ZNF662: variants seen among roughly 807,000 people sequenced by gnomAD.
The protein encoded by ZNF662 is zinc finger protein 662.
In ZNF662, 14 loss-of-function variants were observed where a neutral mutation model predicts 12.4. That is an observed-to-expected ratio of 1.13 (90% CI 0.75 to 1.77). The LOEUF is 1.77. ZNF662 is among the 40% of genes most tolerant of loss of function. The pLI, the probability that ZNF662 is intolerant of heterozygous loss-of-function variation, is 0.00. For synonymous variants in ZNF662, 184 were observed against 176.4 expected, an observed-to-expected ratio of 1.04 and a Z score of -0.34; for missense variants, 550 against 515.6, an observed-to-expected ratio of 1.07 and a Z score of -0.65.
chr3:42,917,381 G>T lies in ZNF662; in HGVS notation c.*2027G>T, dbSNP rs1417929093. ...AGAGCTACCAGAGGAGATATTATCT[G>T]TCCTCTGTGTGGCACATAGGAAAAT... is the stretch of plus-strand genomic sequence containing the variant. On this transcript the variant is annotated 3_prime_UTR_variant, in exon 5 of 5. Coordinates refer to ENST00000440367, the MANE Select transcript of ZNF662 (RefSeq NM_207404.4). 1.6e-6 allele frequency: 1 copy of T among 630,094 alleles called. No individual in the cohort carries two copies. The highest frequency in any genetic ancestry group is 1.8e-5 in the African/African-American group (1 of 54,250). The allele number at this position is 630,094 out of a possible 1,614,324, so 39.0% of individuals were successfully genotyped here.
At chr3:42,907,618 A>G (rs1178126635) in intron 1 of ZNF662, 7 of 920,342 alleles carry the variant, frequency 7.6e-6, no homozygotes, top group Non-Finnish European at 9.1e-6. Flanking sequence ...ATGAGACATA[A>G]CAAAGAATAT....
At position 42,913,103 on chromosome 3, in the gene ZNF662, A is replaced by G. The variant is rs866467134; in HGVS notation, c.152-98A>G. ...ATCTATGTTACCAATCTTTTCACCC[A>G]CCTTTATTCTCTCCCTACCACTTCC... On this transcript the variant is annotated intron_variant, in intron 3 of 4. Transcript: ENST00000440367. The G allele has an allele frequency of 1.0e-5, 8 of 801,722 alleles. No homozygotes were observed. The Middle Eastern group carries it at 2.1e-3, about 211-fold the overall frequency. 49.7% of individuals were successfully genotyped at this position (801,722 alleles called of 1,614,324 possible). A position where few individuals can be genotyped will look rare whatever the true frequency, so the allele number is the denominator to read the frequency against.
rs2088683271 is a variant in ZNF662, at chr3:42,906,618, TGCAG to T, written c.-94+451_-94+454del. Among the ~76,000 whole-genome samples the T allele has an allele frequency of 6.6e-6, 1 of 152,056 alleles. No individual in the cohort carries two copies. The highest frequency in any genetic ancestry group is 2.4e-5 in the African/African-American group (1 of 41,390). On this transcript the variant is annotated intron_variant, in intron 1 of 4. Coordinates refer to ENST00000440367, the MANE Select transcript of ZNF662 (RefSeq NM_207404.4). This position sits in a 1 kb window ranked among gnomAD's most constrained non-coding sequence, Gnocchi z 4.4. ...ACCTGAGCCTCAAGGAGAGCAGACG[TGCAG>T]CGGCACGGGGTTGAGCCGACTGCTG... is the stretch of plus-strand genomic sequence containing the variant.
At chr3:42,908,998 GT>G in intron 3 of ZNF662, 89 bp downstream of exon 3, 25 of 834,576 alleles carry the variant, frequency 3.0e-5, no homozygotes, top group Non-Finnish European at 4.5e-5. Flanking sequence ...TTAATCTAGT[GT>G]TGTAGACACT....
Position 42,906,457 on chromosome 3 carries a change from G to A in ZNF662, c.-94+289G>A. The A allele has an allele frequency of 1.4e-6, 2 of 1,427,162 alleles. No individual in the cohort carries two copies. The highest frequency in any genetic ancestry group is 1.8e-6 in the Non-Finnish European group (2 of 1,096,554). The allele number at this position is 1,427,162 out of a possible 1,614,324, so 88.4% of individuals were successfully genotyped here. A position where few individuals can be genotyped will look rare whatever the true frequency, so the allele number is the denominator to read the frequency against. On this transcript the variant is annotated intron_variant, in intron 1 of 4. Transcript: ENST00000440367. The surrounding 1 kb of genome is among the most constrained non-coding windows in gnomAD (Gnocchi z 4.4). ...GGCGCGCCGGGTGAGTGCGGGGCCG[G>A]AGCCTGGAAGCAGTCTTGGCCCTGC...
In ZNF662 at chr3:42,915,221, C is replaced by G; in HGVS notation, c.1148C>G (p.Thr383Ser). ...AHLIRHQRIH[T>S]GERPYKCNDC... The stretch of plus-strand genomic sequence containing the variant: ...CTTATTCGACATCAAAGAATCCATA[C>G]TGGGGAAAGACCCTATAAATGTAAT... The change falls in exon 5 of 5, where the codon ACT becomes AGT. Residue 383 changes from threonine to serine, a missense_variant. Transcript: ENST00000440367. 6.2e-6 allele frequency: 10 copies of G among 1,614,084 alleles called. No homozygotes were observed. Among genetic ancestry groups the G allele is most frequent in the Non-Finnish European group, 8.5e-6 (10 of 1,180,026 alleles).
rs187140576 is a variant in ZNF662 at position 42,914,220 on chromosome 3, A to T, written c.254-107A>T. 12 of 1,002,460 alleles carry T rather than the reference A, an allele frequency of 1.2e-5. No homozygotes were observed. The African/African-American group carries it at 2.0e-4, about 16-fold the overall frequency. 62.1% of individuals were successfully genotyped at this position (1,002,460 alleles called of 1,614,324 possible). On this transcript the variant is annotated intron_variant, in intron 4 of 4. Coordinates refer to ENST00000440367, the MANE Select transcript of ZNF662 (RefSeq NM_207404.4). ...TTTCAGCTGGGACAGGGCCACTGAGACATGGGTGGCACTTGGAGAGAAGTG... is the reference window on the plus strand; with the variant it reads ...TTTCAGCTGGGACAGGGCCACTGAGTCATGGGTGGCACTTGGAGAGAAGTG...
At chr3:42,912,666 ATTT>A (rs373223111) in intron 3 of ZNF662, among the ~76,000 whole-genome samples, 1 of 26,156 alleles carries the variant, frequency 3.8e-5, no homozygotes, top group South Asian at 2.0e-3. Context: ...ATATATATAT[ATTT>A]TTTATATATA....
At chr3:42,908,343 C>T (rs1394522099) in intron 2 of ZNF662, 195 bp downstream of exon 2, 1 of 1,365,310 alleles carries the variant, frequency 7.3e-7, no homozygotes, top group African/African-American at 1.5e-5. Context: ...TACAGGACTT[C>T]CTTGCTCCAG....
At chr3:42,914,264 G>A (rs2125648505) in intron 4 of ZNF662, 63 bp from the exon 5 acceptor site, 1 of 1,418,964 alleles carries the variant, frequency 7.0e-7, no homozygotes, top group East Asian at 2.3e-5. Context: ...AATACCACTT[G>A]GTGACCTTAG....
chr3:42,910,218 G>A (rs935595759), intron 3 of ZNF662, among the ~76,000 whole-genome samples: 13 of 152,302 alleles, frequency 8.5e-5, no homozygotes, highest in South Asian at 2.1e-4. Context: ...CAGGCGTGGC[G>A]GCGCCCGCCT....
At chr3:42,910,934 G>A (rs930726264) in intron 3 of ZNF662, among the ~76,000 whole-genome samples, 1 of 152,128 alleles carries the variant, frequency 6.6e-6, no homozygotes. Context: ...AGGTAGAGTG[G>A]GCTGCAGGTA....
Position 42,914,632 on chromosome 3 carries a change from A to C in ZNF662, c.559A>C (p.Asn187His). 1 of 1,614,202 alleles carries C rather than the reference A, an allele frequency of 6.2e-7. No homozygotes were observed. Among genetic ancestry groups the C allele is most frequent in the Non-Finnish European group, 8.5e-7 (1 of 1,180,036 alleles). ...CCTTGGTATACATCACAAAATTCTA[A>C]ATGAGCAAATATTCTATATATGTGA... is the stretch of plus-strand genomic sequence containing the variant. ...NLLGIHHKIL[N>H]EQIFYICEEC... The change falls in exon 5 of 5, where the codon AAT becomes CAT. Residue 187 changes from asparagine (N) to histidine (H), a missense_variant. Coordinates refer to ENST00000440367, the MANE Select transcript of ZNF662 (RefSeq NM_207404.4).
rs1031185019 is a variant in ZNF662, at chr3:42,918,241, G to T, written c.*2887G>T. 6.6e-6 allele frequency among the ~76,000 whole-genome samples: 1 copy of T among 152,176 alleles called. No homozygotes were observed. The highest frequency in any genetic ancestry group is 2.4e-5 in the African/African-American group (1 of 41,446). ...TAGTTCAGCTAAAATCTGGGTTCTTGTCTCATGACCAGGAAAAATTAGTCA... is the reference window on the plus strand; with the variant it reads ...TAGTTCAGCTAAAATCTGGGTTCTTTTCTCATGACCAGGAAAAATTAGTCA... On this transcript the variant is annotated 3_prime_UTR_variant, in exon 5 of 5. Transcript: ENST00000440367.
At chr3:42,911,480 G>A (rs1022029636) in intron 3 of ZNF662, among the ~76,000 whole-genome samples, 9 of 152,160 alleles carry the variant, frequency 5.9e-5, no homozygotes, top group Non-Finnish European at 4.4e-5. Context: ...CTTTGCTTTA[G>A]GTAGAAAACC....
chr3:42,915,076 A>C lies in ZNF662; in HGVS notation c.1003A>C (p.Lys335Gln), dbSNP rs2088883300. Residue 335 changes from lysine to glutamine, a missense_variant, in exon 5 of 5, where the codon AAG becomes CAG. Lys to Gln is a moderately conservative substitution (Grantham distance 53). Coordinates refer to ENST00000440367, the MANE Select transcript of ZNF662 (RefSeq NM_207404.4). ...CACTGGGGAGAAGCCTTACGAATGT[A>C]AGGACTGTGGGAAGGGCTTCATGTG... Reference protein sequence around the residue: ...MHTGEKPYECKDCGKGFMWNS... With the variant: ...MHTGEKPYECQDCGKGFMWNS... 23 of 1,614,204 alleles carry C rather than the reference A, an allele frequency of 1.4e-5. No homozygotes were observed. Among genetic ancestry groups the C allele is most frequent in the Non-Finnish European group, 1.9e-5 (23 of 1,180,038 alleles).
intron 2 of ZNF662, 22 bp downstream of exon 2, chr3:42,908,170 C>A (rs1485900285): frequency 1.2e-6 from 2 of 1,604,430 alleles, no homozygotes; most frequent in Non-Finnish European, 1.7e-6. Context: ...TCCCTTTGGG[C>A]CCTGCCTCCA....
In ZNF662 at chr3:42,912,696, T is replaced by TTA. The variant is rs1553609520; in HGVS notation, c.152-496_152-495dup. On this transcript the variant is annotated intron_variant, in intron 3 of 4. Coordinates refer to ENST00000440367, the MANE Select transcript of ZNF662 (RefSeq NM_207404.4). ...TTATATATATAAATATATATATATTTTATATATATAAATATATATATATAT... is the reference window on the plus strand; with the variant it reads ...TTATATATATAAATATATATATATTTTATATATATATAAATATATATATATAT... Among the ~76,000 whole-genome samples, 212 of 42,544 alleles carry TTA rather than the reference T, an allele frequency of 5.0e-3. 8 individuals carry two copies. Among genetic ancestry groups the TTA allele is most frequent in the Admixed American group, 7.9e-3 (22 of 2,792 alleles). The allele number at this position is 42,544 out of a possible 152,430, so 27.9% of individuals were successfully genotyped here.
chr3:42,914,782 G>C lies in ZNF662; in HGVS notation c.709G>C (p.Ala237Pro). The C allele has an allele frequency of 6.2e-7, 1 of 1,613,370 alleles. No individual in the cohort carries two copies. The highest frequency in any genetic ancestry group is 1.3e-5 in the African/African-American group (1 of 74,740). ...KAFSFRSHCI[A>P]HQRIHSGVKP... ...TTTCAGTTTTCGATCACATTGCATT[G>C]CACATCAGAGAATTCACAGTGGGGT... is the stretch of plus-strand genomic sequence containing the variant. Residue 237 changes from alanine (A) to proline (P), a missense_variant, in exon 5 of 5, where the codon GCA (alanine) becomes CCA (proline). Transcript: ENST00000440367.
Sources: gnomAD v4.1 joint callset for allele counts (sites outside exome capture counted in the v4.1 genomes callset) on GRCh38, gnomAD v4.1.1 for gene constraint, Gnocchi (gnomAD v3.1) non-coding constraint, MANE v1.5 for transcripts, NCBI Gene and HGNC (gene_info 2026-07-23, HGNC 2026-07-21) for gene names.